Variants in NKAIN4 observed in about 807,000 individuals in gnomAD.
NKAIN4 encodes the protein sodium/potassium-transporting ATPase subunit beta-1-interacting protein 4.
A neutral mutation model predicts 28.8 loss-of-function variants in NKAIN4; 28 were observed. The observed-to-expected ratio is 0.97, with a 90% CI of 0.72 to 1.33. The LOEUF is 1.33. Ranked by LOEUF, NKAIN4 falls within the 40% of genes most tolerant of loss-of-function variation. NKAIN4 has a pLI of 0.00. For synonymous variants in NKAIN4, 122 were observed against 115.6 expected, an observed-to-expected ratio of 1.06 and a Z score of -0.36; for missense variants, 289 against 277.2, an observed-to-expected ratio of 1.04 and a Z score of -0.30.
At chr20:63,253,551 T>C (rs1240350550) in intron 1 of NKAIN4, 2 of 982,226 alleles carry the variant, frequency 2.0e-6, no homozygotes, top group African/African-American at 3.5e-5. Context: ...CAAAGCATCG[T>C]TTCCTTTTTA....
intron 6 of NKAIN4, 108 bp from the exon 7 acceptor site, chr20:63,241,614 G>C: frequency 2.0e-6 from 2 of 988,696 alleles, no homozygotes. Context: ...AGTCCAAGCA[G>C]TGGACGGCTT....
Position 63,241,250 on chromosome 20 carries a change from GTA to G in NKAIN4, c.*245_*246del. 3.8e-6 allele frequency: 2 copies of G among 530,556 alleles called. No homozygotes were observed. The highest frequency in any genetic ancestry group is 6.7e-6 in the Non-Finnish European group (2 of 298,964). The allele number at this position is 530,556 out of a possible 1,614,324, so 32.9% of individuals were successfully genotyped here. On this transcript the variant is annotated 3_prime_UTR_variant, in exon 7 of 7. Transcript: ENST00000370316. Reference sequence around the variant, plus strand: ...CATGTGGGGTTTTGCCTTTTCTTTTGTATGTTTTCTTTTCTTTTTTTTTTTTA... The same window carrying G: ...CATGTGGGGTTTTGCCTTTTCTTTTGTGTTTTCTTTTCTTTTTTTTTTTTA...
intron 6 of NKAIN4, chr20:63,241,897 G>A (rs762754571): frequency 2.9e-4 from 110 of 385,028 alleles, no homozygotes; most frequent in East Asian, 1.3e-4. Context: ...GGCCCCTGCC[G>A]GGACAGCCCT....
chr20:63,249,913 GA>G lies in NKAIN4; in HGVS notation c.192+21del, dbSNP rs746154594. 3.2e-5 allele frequency: 51 copies of G among 1,598,546 alleles called. No individual in the cohort carries two copies. The East Asian group carries it at 1.1e-3, about 34-fold the overall frequency. Reference sequence around the variant, plus strand: ...TCACCTCAACCCACCTGCCCATAAAGAGGGCCGGGCCCAGGACTCACCACCA... The same window carrying G: ...TCACCTCAACCCACCTGCCCATAAAGGGGCCGGGCCCAGGACTCACCACCA... On this transcript the variant is annotated intron_variant, in intron 2 of 6. Transcript: ENST00000370316.
chr20:63,247,741 T>C lies in NKAIN4; in HGVS notation c.308A>G (p.His103Arg), dbSNP rs1489006197. Residue 103 changes from histidine to arginine, a missense_variant, in exon 4 of 7, where the codon CAT (histidine) becomes CGT (arginine). Coordinates refer to ENST00000370316, the MANE Select transcript of NKAIN4 (RefSeq NM_152864.4). ...CCAGCGCTCACGCCACCAGGAGCGATGCCGGGAGAGGCTGAAGGTCAGTAG... is the reference window on the plus strand; with the variant it reads ...CCAGCGCTCACGCCACCAGGAGCGACGCCGGGAGAGGCTGAAGGTCAGTAG... ...SELLTFSLSR[H>R]RSWWRERWPG... is the part of the protein sequence containing the mutation. 1 of 1,484,968 alleles carries C rather than the reference T, an allele frequency of 6.7e-7. No homozygotes were observed. Among genetic ancestry groups the C allele is most frequent in the Non-Finnish European group, 9.0e-7 (1 of 1,113,362 alleles). 92.0% of individuals were successfully genotyped at this position (1,484,968 alleles called of 1,614,324 possible).
intron 4 of NKAIN4, 40 bp from the exon 5 acceptor site, chr20:63,244,124 C>T (rs779528124): frequency 1.7e-5 from 27 of 1,565,860 alleles, no homozygotes; most frequent in Non-Finnish European, 2.3e-5. Flanking sequence ...TGCGGCCAGG[C>T]GAGCCTGTGG....
intron 1 of NKAIN4, chr20:63,253,278 A>AC: frequency 1.0e-6 from 1 of 985,254 alleles, no homozygotes; most frequent in Non-Finnish European, 1.2e-6. Context: ...CTGTTGCAGG[A>AC]CCTCAGGTTA....
chr20:63,253,981 G>A (rs2067007328), intron 1 of NKAIN4: 2 of 166,470 alleles, frequency 1.2e-5, no homozygotes, highest in Non-Finnish European at 2.6e-5. Context: ...CCGCTCACTC[G>A]GCGCCCGGGG....
In NKAIN4 at chr20:63,241,500, C is replaced by G. The variant is rs533476746; in HGVS notation, c.624G>C (p.Ala208=). ...GCAGGATCAGCTGTTTCCTCACTTA[C>G]GCAGGCCTGTGGGGACAAGGTCAGA... The part of the protein sequence containing the change: ...SLLSKQVYLP[A] Residue 208 remains alanine (A), a synonymous_variant, in exon 7 of 7, where the codon GCG becomes GCC. Coordinates refer to ENST00000370316, the MANE Select transcript of NKAIN4 (RefSeq NM_152864.4). 1.3e-6 allele frequency: 2 copies of G among 1,550,294 alleles called. No individual in the cohort carries two copies. The highest frequency in any genetic ancestry group is 1.4e-5 in the African/African-American group (1 of 72,958).
At chr20:63,253,981 G>C (rs2067007328) in intron 1 of NKAIN4, 1 of 166,470 alleles carries the variant, frequency 6.0e-6, no homozygotes, top group Non-Finnish European at 1.3e-5. Context: ...CCGCTCACTC[G>C]GCGCCCGGGG....
At chr20:63,247,991 C>CT in intron 3 of NKAIN4, 1 of 468,208 alleles carries the variant, frequency 2.1e-6, no homozygotes, top group South Asian at 9.3e-5. Context: ...GCCCTCGACC[C>CT]ACACACCTCC....
intron 4 of NKAIN4, chr20:63,244,622 G>GGGCT: frequency 2.2e-6 from 1 of 453,382 alleles, no homozygotes; most frequent in Non-Finnish European, 4.6e-6. Context: ...GCAGAGTTGG[G>GGGCT]GGCTGGCTGC....
upstream of NKAIN4, chr20:63,254,499 G>T (rs1269707565): frequency 3.1e-5 from 36 of 1,173,598 alleles, no homozygotes; most frequent in Non-Finnish European, 3.9e-5. Flanking sequence ...CTCGGCCCCC[G>T]CCCCCGCTCC....
At position 63,241,352 on chromosome 20, in the gene NKAIN4, A is replaced by G. The variant is rs2066746976; in HGVS notation, c.*145T>C. The G allele has an allele frequency of 4.0e-6, 3 of 757,366 alleles. No homozygotes were observed. The highest frequency in any genetic ancestry group is 4.6e-6 in the Non-Finnish European group (2 of 438,898). The allele number at this position is 757,366 out of a possible 1,614,324, so 46.9% of individuals were successfully genotyped here. A position where few individuals can be genotyped will look rare whatever the true frequency, so the allele number is the denominator to read the frequency against. On this transcript the variant is annotated 3_prime_UTR_variant, in exon 7 of 7. Transcript: ENST00000370316. ...TGCCCTGCCGCCCTGGCTGGTGTCC[A>G]GTACTTAGAACCCAGGGCAGGTGCT...
intron 1 of NKAIN4, among the ~76,000 whole-genome samples, chr20:63,251,274 G>C (rs925011839): frequency 6.6e-6 from 1 of 152,164 alleles, no homozygotes; most frequent in African/African-American, 2.4e-5. Flanking sequence ...AGGTGCACAG[G>C]ATGGAACATG....
rs952266704 is a variant in NKAIN4 at position 63,247,690 on chromosome 20, G to A, written c.359C>T (p.Pro120Leu). ...RWPGCLHEEV[P>L]AVGLGAPHGQ... ...ATGGGGGGCCCCGAGGCCCACTGCT[G>A]GCACCTCCTCATGCAGACAGCCTGG... The change falls in exon 4 of 7, where the codon CCA (proline) becomes CTA (leucine). Residue 120 changes from proline to leucine, a missense_variant. Coordinates refer to ENST00000370316, the MANE Select transcript of NKAIN4 (RefSeq NM_152864.4). 4 of 1,538,376 alleles carry A rather than the reference G, an allele frequency of 2.6e-6. No individual in the cohort carries two copies. The highest frequency in any genetic ancestry group is 3.5e-6 in the Non-Finnish European group (4 of 1,141,426).
chr20:63,243,879 C>T (rs2066806872), intron 5 of NKAIN4, 145 bp downstream of exon 5: 1 of 664,482 alleles, frequency 1.5e-6, no homozygotes, highest in African/African-American at 1.8e-5. Context: ...CTCGCTCAGG[C>T]CTACGGCCGT....
chr20:63,246,045 A>T lies in NKAIN4; in HGVS notation c.471+1533T>A, dbSNP rs142160950. On this transcript the variant is annotated intron_variant, in intron 4 of 6. Transcript: ENST00000370316. ...CGGGTTCATGCCATTCTCCTGCTTCAGCCTCCCGAGGAGCTGGGACTACAG... is the reference window on the plus strand; with the variant it reads ...CGGGTTCATGCCATTCTCCTGCTTCTGCCTCCCGAGGAGCTGGGACTACAG... 1.3e-3 allele frequency among the ~76,000 whole-genome samples: 195 copies of T among 151,592 alleles called. 1 individual carries two copies. The East Asian group carries it at 0.021, about 16-fold the overall frequency.
rs1251139287 is a variant in NKAIN4 at position 63,249,156 on chromosome 20, G to A, written c.193-261C>T. 1.2e-5 allele frequency: 6 copies of A among 498,942 alleles called. No individual in the cohort carries two copies. The Admixed American group carries it at 1.6e-4, about 14-fold the overall frequency. 30.9% of individuals were successfully genotyped at this position (498,942 alleles called of 1,614,324 possible). On this transcript the variant is annotated intron_variant, in intron 2 of 6. Coordinates refer to ENST00000370316, the MANE Select transcript of NKAIN4 (RefSeq NM_152864.4). ...CTCAAGGGAGCCCCAGCGCAGGTCG[G>A]CGTACGGACACAGCATCCCTGGCTG...
Sources: gnomAD v4.1 joint callset for allele counts (sites outside exome capture counted in the v4.1 genomes callset) on GRCh38, gnomAD v4.1.1 for gene constraint, MANE v1.5 for transcripts, NCBI Gene and HGNC (gene_info 2026-07-23, HGNC 2026-07-21) for gene names.